CSNK1G1: variants seen among roughly 807,000 people sequenced by gnomAD.
The protein encoded by CSNK1G1 is casein kinase I isoform gamma-1.
Under a neutral mutation model 59.6 loss-of-function variants are expected in CSNK1G1, and 22 were observed. The observed-to-expected ratio is 0.37, with a 90% CI of 0.26 to 0.53. The LOEUF is 0.53. Ranked by LOEUF, CSNK1G1 falls within the 20% of genes least tolerant of loss-of-function variation. CSNK1G1 has a pLI of 0.89. For synonymous variants in CSNK1G1, 179 were observed against 177.1 expected, an observed-to-expected ratio of 1.01 and a Z score of -0.08; for missense variants, 384 against 519.5, an observed-to-expected ratio of 0.74 and a Z score of 2.54.
At chr15:64,279,676 T>C (rs920477749) in intron 2 of CSNK1G1, among the ~76,000 whole-genome samples, 3 of 152,014 alleles carry the variant, frequency 2.0e-5, no homozygotes, top group African/African-American at 2.4e-5. Context: ...AGAGTATTCA[T>C]ACACAGAAAC....
chr15:64,227,919 T>C (rs2082483985), intron 4 of CSNK1G1, among the ~76,000 whole-genome samples: 1 of 152,206 alleles, frequency 6.6e-6, no homozygotes, highest in East Asian at 1.9e-4. Flanking sequence ...GCCAAAATTA[T>C]TCTCCATGCT....
intron 1 of CSNK1G1, among the ~76,000 whole-genome samples, chr15:64,320,134 C>T (rs1896482191): frequency 6.6e-6 from 1 of 151,918 alleles, no homozygotes; most frequent in Non-Finnish European, 1.5e-5. Context: ...CTCAAGCGAT[C>T]CACATGCTTG....
Position 64,207,490 on chromosome 15 carries a change from T to A in CSNK1G1, c.765+19A>T, listed in dbSNP as rs1179793165. The stretch of plus-strand genomic sequence containing the variant: ...TGAGCATTGAAACAAAGCCCTCCAC[T>A]GAACACTTTCAAGGATACCTTGAGT... On this transcript the variant is annotated intron_variant, in intron 7 of 11. Transcript: ENST00000303052. The A allele has an allele frequency of 6.4e-7, 1 of 1,573,500 alleles. No individual in the cohort carries two copies. The highest frequency in any genetic ancestry group is 1.1e-5 in the South Asian group (1 of 90,206).
In CSNK1G1 at chr15:64,283,955, C is replaced by CCTTATGTTTG. The variant is rs1596217966; in HGVS notation, c.181+16363_181+16364insCAAACATAAG. Among the ~76,000 whole-genome samples the CCTTATGTTTG allele has an allele frequency of 2.0e-5, 3 of 151,962 alleles. No homozygotes were observed. In the East Asian group the frequency reaches 5.8e-4, roughly 29 times the overall value. On this transcript the variant is annotated intron_variant, in intron 2 of 11. Coordinates refer to ENST00000303052, the MANE Select transcript of CSNK1G1 (RefSeq NM_022048.5). Reference sequence around the variant, plus strand: ...ATCCTTATGTTTGTTTTTTTTAAGACTTTTATAGTTTTGACTCTTACATTT... The same window carrying CCTTATGTTTG: ...ATCCTTATGTTTGTTTTTTTTAAGACCTTATGTTTGTTTTATAGTTTTGACTCTTACATTT...
At position 64,171,712 on chromosome 15, in the gene CSNK1G1, C is replaced by G. The variant is rs976071446; in HGVS notation, c.*219G>C. The G allele has an allele frequency of 1.7e-6, 1 of 589,818 alleles. No homozygotes were observed. The highest frequency in any genetic ancestry group is 3.0e-6 in the Non-Finnish European group (1 of 331,084). 36.5% of individuals were successfully genotyped at this position (589,818 alleles called of 1,614,324 possible). A position where few individuals can be genotyped will look rare whatever the true frequency, so the allele number is the denominator to read the frequency against. On this transcript the variant is annotated 3_prime_UTR_variant, in exon 12 of 12. Coordinates refer to ENST00000303052, the MANE Select transcript of CSNK1G1 (RefSeq NM_022048.5). This position sits in a 1 kb window ranked among gnomAD's most constrained non-coding sequence, Gnocchi z 4.8. ...GGCAAGCAGTGGAGGAACAGCAGCT[C>G]TGGGACCTGCTCAGAGCCTTAGGCA...
intron 3 of CSNK1G1, among the ~76,000 whole-genome samples, chr15:64,253,512 C>T (rs1208488955): frequency 6.6e-6 from 1 of 152,010 alleles, no homozygotes; most frequent in African/African-American, 2.4e-5. Context: ...AATGGCATGG[C>T]AATTTTTCAA....
intron 10 of CSNK1G1, among the ~76,000 whole-genome samples, chr15:64,185,919 G>A (rs1305713106): frequency 2.1e-5 from 3 of 146,022 alleles, no homozygotes; most frequent in Non-Finnish European, 4.5e-5. Context: ...ATTATAAAAA[G>A]ACAAGGATAA....
chr15:64,207,234 G>T (rs1044099313), intron 7 of CSNK1G1, among the ~76,000 whole-genome samples: 6 of 152,090 alleles, frequency 3.9e-5, no homozygotes, highest in African/African-American at 1.4e-4. Context: ...TATCTCCAGA[G>T]CCAATTAGCC....
At chr15:64,181,604 G>A in intron 10 of CSNK1G1, 1 of 619,902 alleles carries the variant, frequency 1.6e-6, no homozygotes, top group Non-Finnish European at 2.6e-6. Flanking sequence ...AAGCAGCATA[G>A]TGTAGAAATT....
chr15:64,193,490 T>TCAAAA (rs2082000097), intron 10 of CSNK1G1, among the ~76,000 whole-genome samples: 1 of 11,868 alleles, frequency 8.4e-5, no homozygotes, highest in South Asian at 2.5e-3. Context: ...AGACTCTGTC[T>TCAAAA]CAAAAAAAAA....
chr15:64,172,028 A>G, intron 11 of CSNK1G1, 43 bp from the exon 12 acceptor site: 3 of 1,564,820 alleles, frequency 1.9e-6, no homozygotes, highest in Non-Finnish European at 2.6e-6. Flanking sequence ...GGAGGCCTGC[A>G]GCTTCCAGCA....
intron 6 of CSNK1G1, 75 bp from the exon 7 acceptor site, chr15:64,207,669 T>C: frequency 9.2e-7 from 1 of 1,086,184 alleles, no homozygotes; most frequent in Non-Finnish European, 1.4e-6. Context: ...AAGTAATCCC[T>C]TCAGAAACCC....
chr15:64,209,004 A>G, intron 6 of CSNK1G1, among the ~76,000 whole-genome samples: 1 of 151,066 alleles, frequency 6.6e-6, no homozygotes, highest in East Asian at 1.9e-4. Context: ...CTCCCACCTC[A>G]GCTTCCTCAC....
chr15:64,281,612 TG>T (rs1894139153), intron 2 of CSNK1G1, among the ~76,000 whole-genome samples: 1 of 152,132 alleles, frequency 6.6e-6, no homozygotes, highest in African/African-American at 2.4e-5. Flanking sequence ...CCAAGGCAGT[TG>T]GATCACCTGA....
intron 11 of CSNK1G1, among the ~76,000 whole-genome samples, chr15:64,173,460 TATA>T (rs2081700035): frequency 6.6e-6 from 1 of 152,138 alleles, no homozygotes; most frequent in Non-Finnish European, 1.5e-5. Flanking sequence ...TGGGTGCAAA[TATA>T]ATCACTAAGC....
chr15:64,220,027 C>T (rs1306550711), intron 4 of CSNK1G1, among the ~76,000 whole-genome samples: 2 of 151,978 alleles, frequency 1.3e-5, no homozygotes, highest in Non-Finnish European at 2.9e-5. Flanking sequence ...CTGCCTTGGC[C>T]TCTCAAAGTG....
Position 64,296,573 on chromosome 15 carries a change from G to A in CSNK1G1, c.181+3746C>T, listed in dbSNP as rs528893182. ...AATATTCAAGAAATAGTTGTTAAATGTATGATGAAGGCTGGGTGCAGTGGC... is the reference window on the plus strand; with the variant it reads ...AATATTCAAGAAATAGTTGTTAAATATATGATGAAGGCTGGGTGCAGTGGC... On this transcript the variant is annotated intron_variant, in intron 2 of 11. Coordinates refer to ENST00000303052, the MANE Select transcript of CSNK1G1 (RefSeq NM_022048.5). Among the ~76,000 whole-genome samples, 18 of 152,238 alleles carry A rather than the reference G, an allele frequency of 1.2e-4. No homozygotes were observed. In the South Asian group the frequency reaches 3.7e-3, roughly 32 times the overall value.
intron 2 of CSNK1G1, among the ~76,000 whole-genome samples, chr15:64,275,953 A>G (rs1031684018): frequency 6.6e-6 from 1 of 152,214 alleles, no homozygotes; most frequent in Admixed American, 6.5e-5. Context: ...TCATTTTGCA[A>G]TGAAAAGCTG....
intron 2 of CSNK1G1, among the ~76,000 whole-genome samples, chr15:64,269,826 T>C (rs1566927362): frequency 6.7e-6 from 1 of 148,496 alleles, no homozygotes; most frequent in Non-Finnish European, 1.5e-5. Flanking sequence ...ATTTTTGACA[T>C]GGAGTCTCAC....
Sources: gnomAD v4.1 joint callset for allele counts (sites outside exome capture counted in the v4.1 genomes callset) on GRCh38, gnomAD v4.1.1 for gene constraint, Gnocchi (gnomAD v3.1) non-coding constraint, MANE v1.5 for transcripts, NCBI Gene and HGNC (gene_info 2026-07-23, HGNC 2026-07-21) for gene names.